TDRD12: variants seen among roughly 807,000 people sequenced by gnomAD.
TDRD12 encodes the protein putative ATP-dependent RNA helicase TDRD12.
Under a neutral mutation model 133.5 loss-of-function variants are expected in TDRD12, and 158 were observed. The ratio of observed to expected loss-of-function variants is 1.18; its 90% CI spans 1.04 to 1.35. TDRD12 has a LOEUF of 1.35. Ranked by LOEUF, TDRD12 falls within the 40% of genes most tolerant of loss-of-function variation. TDRD12 has a pLI of 0.00. For missense variants in TDRD12, 1,443 were observed against 1,321.3 expected, an observed-to-expected ratio of 1.09 and a Z score of -1.43; for synonymous variants, 460 against 477.9, an observed-to-expected ratio of 0.96 and a Z score of 0.49.
At chr19:32,769,084 G>T (rs1318498546) in intron 8 of TDRD12, among the ~76,000 whole-genome samples, 1 of 152,110 alleles carries the variant, frequency 6.6e-6, no homozygotes, top group African/African-American at 2.4e-5. Flanking sequence ...TTGTATTATA[G>T]ATAGATTTCC....
intron 20 of TDRD12, 59 bp from the exon 21 acceptor site, chr19:32,802,863 G>T (rs1971440124): frequency 1.3e-6 from 2 of 1,529,142 alleles, no homozygotes; most frequent in East Asian, 2.5e-5. Flanking sequence ...AGTCCACAAG[G>T]TTTCCTCAGT....
intron 11 of TDRD12, among the ~76,000 whole-genome samples, chr19:32,788,302 G>C (rs547403343): frequency 6.3e-4 from 96 of 151,884 alleles, no homozygotes; most frequent in Admixed American, 1.5e-3. Flanking sequence ...AGTAGAGACA[G>C]GGTTTCACTA....
At chr19:32,802,564 G>C in intron 19 of TDRD12, 92 bp from the exon 20 acceptor site, 1 of 1,382,996 alleles carries the variant, frequency 7.2e-7, no homozygotes, top group South Asian at 1.4e-5. Context: ...ATGTGATATG[G>C]AAATGCACTG....
chr19:32,803,424 G>A (rs1037411340), intron 21 of TDRD12, among the ~76,000 whole-genome samples: 1 of 152,202 alleles, frequency 6.6e-6, no homozygotes, highest in African/African-American at 2.4e-5. Context: ...ACATTCGTCT[G>A]TGTTGTTGTG....
exon 21 of TDRD12, chr19:32,803,086 AGAT>A: frequency 6.5e-7 from 1 of 1,535,700 alleles, no homozygotes; most frequent in Non-Finnish European, 8.7e-7. Context: ...AAGCCAAAGA[AGAT>A]AAGAAAGCCG....
chr19:32,797,948 C>T (rs1341009774), intron 15 of TDRD12, 57 bp downstream of exon 15: 3 of 628,990 alleles, frequency 4.8e-6, no homozygotes, highest in Non-Finnish European at 5.6e-6. Flanking sequence ...ACTGTCTTCC[C>T]TACAGAAGAC....
rs1045252676 is a variant in TDRD12, at chr19:32,800,157, A to G, written c.1759-10A>G. On this transcript the variant is annotated splice_polypyrimidine_tract_variant and intron_variant, in intron 16 of 27. Coordinates refer to ENST00000444215, the Ensembl canonical transcript of TDRD12. ...AAATAAAAATGAAATTAATTATGCT[A>G]ATTTTTCAGATGTTTGCTATATTAG... The G allele has an allele frequency of 1.4e-5, 20 of 1,391,170 alleles. No homozygotes were observed. The highest frequency in any genetic ancestry group is 9.7e-5 in the Admixed American group (4 of 41,214). 86.2% of individuals were successfully genotyped at this position (1,391,170 alleles called of 1,614,324 possible).
chr19:32,814,135 G>A (rs1022750304), intron 25 of TDRD12, among the ~76,000 whole-genome samples: 3 of 152,206 alleles, frequency 2.0e-5, no homozygotes, highest in South Asian at 2.1e-4. Context: ...CACCTGCCAC[G>A]TGCCAGGAGC....
intron 22 of TDRD12, among the ~76,000 whole-genome samples, chr19:32,808,693 A>G (rs1008358337): frequency 6.6e-6 from 1 of 152,192 alleles, no homozygotes; most frequent in Admixed American, 6.5e-5. Context: ...CACCCAACCC[A>G]CTACGGTTTT....
chr19:32,791,691 C>CT (rs1011131381), intron 13 of TDRD12, among the ~76,000 whole-genome samples: 3 of 152,044 alleles, frequency 2.0e-5, no homozygotes, highest in Non-Finnish European at 4.4e-5. Context: ...CCACAGCCAG[C>CT]TTGTATTGTT....
At chr19:32,778,644 C>T (rs188402614) in intron 11 of TDRD12, among the ~76,000 whole-genome samples, 3 of 152,134 alleles carry the variant, frequency 2.0e-5, no homozygotes, top group East Asian at 1.9e-4. Flanking sequence ...GAATTACAGG[C>T]GCCTGCCACC....
chr19:32,806,615 TA>T lies in TDRD12; in HGVS notation c.2553-933del, dbSNP rs1381173900. Among the ~76,000 whole-genome samples, 5 of 152,138 alleles carry T rather than the reference TA, an allele frequency of 3.3e-5. No homozygotes were observed. The East Asian group carries it at 9.6e-4, about 29-fold the overall frequency. ...CCTCAGCCTCCCACAGTGCTGGGAT[TA>T]CAGGCATGAGCCACCGTCCCCAGCC... On this transcript the variant is annotated intron_variant, in intron 21 of 27. Coordinates refer to ENST00000444215, the Ensembl canonical transcript of TDRD12.
chr19:32,759,388 G>A (rs906982445), intron 8 of TDRD12, among the ~76,000 whole-genome samples: 4 of 152,074 alleles, frequency 2.6e-5, no homozygotes, highest in African/African-American at 9.7e-5. Context: ...AAGGCCCCTG[G>A]AGTTCTAGCA....
chr19:32,800,494 T>G, intron 17 of TDRD12, 136 bp downstream of exon 17: 3 of 961,442 alleles, frequency 3.1e-6, no homozygotes, highest in Non-Finnish European at 4.4e-6. Flanking sequence ...CATATATAAA[T>G]TATGAATGAA....
chr19:32,759,414 ATT>A (rs747963142), intron 8 of TDRD12, among the ~76,000 whole-genome samples: 2 of 144,430 alleles, frequency 1.4e-5, no homozygotes, highest in African/African-American at 2.5e-5. Flanking sequence ...CAGTCTGGGA[ATT>A]TTTTTTTTTT....
intron 8 of TDRD12, among the ~76,000 whole-genome samples, chr19:32,766,621 A>ATT (rs546716841): frequency 7.5e-5 from 11 of 147,504 alleles, no homozygotes; most frequent in Non-Finnish European, 7.5e-5. Flanking sequence ...ATTAGCCATA[A>ATT]TTTTTTTTTT....
At position 32,790,607 on chromosome 19, in the gene TDRD12, A is replaced by AAAT. The variant is rs1971042040; in HGVS notation, c.1182+18_1182+19insTAA. 3 of 1,551,644 alleles carry AAAT rather than the reference A, an allele frequency of 1.9e-6. No individual in the cohort carries two copies. Among genetic ancestry groups the AAAT allele is most frequent in the Non-Finnish European group, 8.7e-7 (1 of 1,146,990 alleles). ...TCTCCAGCAGGTATTACAGGCCCTA[A>AAAT]AAAAAGTAAAATAAAAAGAGAGAAA... On this transcript the variant is annotated intron_variant, in intron 12 of 27. Transcript: ENST00000444215.
At chr19:32,791,141 TG>T (rs1467316115) in intron 13 of TDRD12, 73 bp downstream of exon 13, 3 of 1,451,512 alleles carry the variant, frequency 2.1e-6, no homozygotes, top group Non-Finnish European at 2.8e-6. Context: ...TTGAAATAAA[TG>T]GCTCTAAGGT....
intron 11 of TDRD12, among the ~76,000 whole-genome samples, chr19:32,783,990 C>T (rs1489095908): frequency 6.6e-6 from 1 of 151,602 alleles, no homozygotes; most frequent in African/African-American, 2.4e-5. Flanking sequence ...CAGATACTGC[C>T]CTTTCTCTTG....
Sources: gnomAD v4.1 joint callset for allele counts (sites outside exome capture counted in the v4.1 genomes callset) on GRCh38, gnomAD v4.1.1 for gene constraint, MANE v1.5 for transcripts, NCBI Gene and HGNC (gene_info 2026-07-23, HGNC 2026-07-21) for gene names.